Variants in EPHA2 observed in about 807,000 individuals in gnomAD.
The protein encoded by EPHA2 is EPH receptor A2, also known as ephrin type-A receptor 2.
A neutral mutation model predicts 104.9 loss-of-function variants in EPHA2; 54 were observed. That is an observed-to-expected ratio of 0.51 (90% confidence interval 0.41 to 0.65). EPHA2 has a LOEUF of 0.65. EPHA2 is among the 30% of genes least tolerant of loss of function. EPHA2 has a pLI of 0.00. For missense variants in EPHA2, 1,117 were observed against 1,369.5 expected (o/e 0.82, Z 2.91); for synonymous variants, 560 against 559.1 (o/e 1.00, Z -0.02).
Position 16,134,717 on chromosome 1 carries a change from G to C in EPHA2, c.1583-150C>G, listed in dbSNP as rs184009125. 3 of 918,850 alleles carry C rather than the reference G, an allele frequency of 3.3e-6. No individual in the cohort carries two copies. The highest frequency in any genetic ancestry group is 5.2e-6 in the Non-Finnish European group (3 of 576,256). The allele number at this position is 918,850 out of a possible 1,614,324, so 56.9% of individuals were successfully genotyped here. A position where few individuals can be genotyped will look rare whatever the true frequency, so the allele number is the denominator to read the frequency against. On this transcript the variant is annotated intron_variant, in intron 7 of 16. Transcript: ENST00000358432. This position sits in a 1 kb window ranked among gnomAD's most constrained non-coding sequence, Gnocchi z 4.5. The stretch of plus-strand genomic sequence containing the variant: ...GGGTACTTAGTCCCATTTCATAGAC[G>C]GTCAAGCGGAGGCCTTCCCGAAGGT...
At chr1:16,129,409 G>C (rs1385313335) in intron 16 of EPHA2, 25 bp downstream of exon 16, 1 of 1,609,868 alleles carries the variant, frequency 6.2e-7, no homozygotes, top group Admixed American at 1.7e-5. Context: ...GGAGGCGAGG[G>C]GGGACGGAAA....
chr1:16,152,733 G>A (rs962345649), intron 1 of EPHA2, among the ~76,000 whole-genome samples: 3 of 152,186 alleles, frequency 2.0e-5, no homozygotes, highest in African/African-American at 7.2e-5. Context: ...AGGGCTCACC[G>A]CTACCAGGCT....
intron 3 of EPHA2, among the ~76,000 whole-genome samples, chr1:16,144,877 C>T (rs2024896844): frequency 6.6e-6 from 1 of 152,250 alleles, no homozygotes; most frequent in Non-Finnish European, 1.5e-5. Context: ...ATCAAGTCCT[C>T]ATCCTCTCTG....
intron 1 of EPHA2, among the ~76,000 whole-genome samples, chr1:16,152,838 C>T (rs2124273521): frequency 6.6e-6 from 1 of 152,336 alleles, no homozygotes; most frequent in Middle Eastern, 3.4e-3. Context: ...GAAAAGAAGC[C>T]CTCACACAGG....
rs545833488 is a variant in EPHA2 at position 16,144,892 on chromosome 1, G to T, written c.823+3486C>A. Among the ~76,000 whole-genome samples, 4 of 152,358 alleles carry T rather than the reference G, an allele frequency of 2.6e-5. No individual in the cohort carries two copies. In the East Asian group the frequency reaches 7.7e-4, roughly 29 times the overall value. On this transcript the variant is annotated intron_variant, in intron 3 of 16. Coordinates refer to ENST00000358432, the MANE Select transcript of EPHA2 (RefSeq NM_004431.5). ...ATCAAGTCCTCATCCTCTCTGGGTTGTGTGTGAAGATGGAAGAAAGCCCTG... is the reference window on the plus strand; with the variant it reads ...ATCAAGTCCTCATCCTCTCTGGGTTTTGTGTGAAGATGGAAGAAAGCCCTG...
At chr1:16,129,759 C>T (rs1309513984) in intron 15 of EPHA2, among the ~76,000 whole-genome samples, 170 bp from the exon 16 acceptor site, 2 of 152,144 alleles carry the variant, frequency 1.3e-5, no homozygotes, top group African/African-American at 2.4e-5. Context: ...CCTCCTGGCA[C>T]GTTGGGAGCG....
Position 16,132,072 on chromosome 1 carries a change from T to C in EPHA2, c.2317A>G (p.Thr773Ala). ...CCCCTTCCCCAACTTACACTGGTGG[T>C]GTAGGTGGCCTCGGGGTCGTCCTCC... Reference protein sequence around the residue: ...VLEDDPEATYTTSGGKIPIRW... With the variant: ...VLEDDPEATYATSGGKIPIRW... The change falls in exon 13 of 17, where the codon ACC (threonine) becomes GCC (alanine). Residue 773 changes from threonine (T) to alanine (A), a missense_variant. Around this residue, in one of 3 missense-constraint regions of EPHA2, gnomAD observed 340 missense variants for 480.5 expected, o/e 0.71. Coordinates refer to ENST00000358432, the MANE Select transcript of EPHA2 (RefSeq NM_004431.5). 2 of 1,614,096 alleles carry C rather than the reference T, an allele frequency of 1.2e-6. No homozygotes were observed. Among genetic ancestry groups the C allele is most frequent in the Non-Finnish European group, 1.7e-6 (2 of 1,180,028 alleles).
chr1:16,156,005 T>C lies in EPHA2; in HGVS notation c.-73A>G. ...ACACCCGCACGCCTGCACGCCGGCCTCGGTGTCCGCTCCCGCCCGCCGGCC... is the reference window on the plus strand; with the variant it reads ...ACACCCGCACGCCTGCACGCCGGCCCCGGTGTCCGCTCCCGCCCGCCGGCC... On this transcript the variant is annotated 5_prime_UTR_variant, in exon 1 of 17. Transcript: ENST00000358432. 1 of 1,303,020 alleles carries C rather than the reference T, an allele frequency of 7.7e-7. No homozygotes were observed. Among genetic ancestry groups the C allele is most frequent in the East Asian group, 3.1e-5 (1 of 32,060 alleles). The allele number at this position is 1,303,020 out of a possible 1,614,324, so 80.7% of individuals were successfully genotyped here.
At chr1:16,155,480 C>T (rs2025140399) in intron 1 of EPHA2, 1 of 203,924 alleles carries the variant, frequency 4.9e-6, no homozygotes, top group Non-Finnish European at 9.8e-6. Flanking sequence ...ATTCAGGTCA[C>T]TAAGAAGCTG....
At chr1:16,126,994 C>T (rs1403151105) in intron 16 of EPHA2, among the ~76,000 whole-genome samples, 1 of 152,102 alleles carries the variant, frequency 6.6e-6, no homozygotes. Context: ...GAGGTTGGGC[C>T]GTTGCTGGGC....
chr1:16,129,403 G>T, intron 16 of EPHA2, 31 bp downstream of exon 16: 1 of 1,607,070 alleles, frequency 6.2e-7, no homozygotes, highest in Non-Finnish European at 8.5e-7. Flanking sequence ...GAGGCGGGAG[G>T]CGAGGGGGGA....
Position 16,131,692 on chromosome 1 carries a change from A to G in EPHA2, c.2475+29T>C, listed in dbSNP as rs59377363. On this transcript the variant is annotated intron_variant, in intron 14 of 16. Coordinates refer to ENST00000358432, the MANE Select transcript of EPHA2 (RefSeq NM_004431.5). This position sits in a 1 kb window ranked among gnomAD's most constrained non-coding sequence, Gnocchi z 5.2. The stretch of plus-strand genomic sequence containing the variant: ...GTAAAGGGCTTGAGTTCAGGTCCGG[A>G]CAGGCCTGGGGAGGGCAAGGGCACC... 6.5e-3 allele frequency: 10,418 copies of G among 1,613,572 alleles called. 591 individuals carry two copies. In the African/African-American group the frequency reaches 0.12, roughly 19 times the overall value.
chr1:16,140,547 A>G (rs2024806323), intron 3 of EPHA2, among the ~76,000 whole-genome samples: 1 of 152,226 alleles, frequency 6.6e-6, no homozygotes, highest in African/African-American at 2.4e-5. Flanking sequence ...CAAGCTCCCA[A>G]GAAGGAAACC....
rs76664913 is a variant in EPHA2 at position 16,151,835 on chromosome 1, T to C, written c.86-872A>G. Reference sequence around the variant, plus strand: ...GCCCAGAGACCAGGTGTCAGGACCATCCTGTTCCCAGAGAGGCAACTGGAG... The same window carrying C: ...GCCCAGAGACCAGGTGTCAGGACCACCCTGTTCCCAGAGAGGCAACTGGAG... On this transcript the variant is annotated intron_variant, in intron 1 of 16. Transcript: ENST00000358432. Among the ~76,000 whole-genome samples, 474 of 152,230 alleles carry C rather than the reference T, an allele frequency of 3.1e-3. 3 individuals are homozygous for C. The highest frequency in any genetic ancestry group is 0.011 in the African/African-American group (449 of 41,540).
rs566528356 is a variant in EPHA2, at chr1:16,125,455, C to T, written c.2826-135G>A. ...CAGAGGAGGAGGGTGGAGAGGGTGCCTTGGGGACCTGTAGGGCAAGAGAGC... is the reference window on the plus strand; with the variant it reads ...CAGAGGAGGAGGGTGGAGAGGGTGCTTTGGGGACCTGTAGGGCAAGAGAGC... On this transcript the variant is annotated intron_variant, in intron 16 of 16. Coordinates refer to ENST00000358432, the MANE Select transcript of EPHA2 (RefSeq NM_004431.5). The surrounding 1 kb of genome is among the most constrained non-coding windows in gnomAD (Gnocchi z 4.9). The T allele has an allele frequency of 4.9e-3, 3,297 of 676,326 alleles. 22 individuals are homozygous for T. Among genetic ancestry groups the T allele is most frequent in the Non-Finnish European group, 6.0e-3 (2,391 of 397,624 alleles). 41.9% of individuals were successfully genotyped at this position (676,326 alleles called of 1,614,324 possible). A position where few individuals can be genotyped will look rare whatever the true frequency, so the allele number is the denominator to read the frequency against.
Position 16,130,088 on chromosome 1 carries a change from A to C in EPHA2, c.2669+138T>G. 8.5e-7 allele frequency: 1 copy of C among 1,177,076 alleles called. No individual in the cohort carries two copies. The highest frequency in any genetic ancestry group is 1.2e-6 in the Non-Finnish European group (1 of 817,216). The allele number at this position is 1,177,076 out of a possible 1,614,324, so 72.9% of individuals were successfully genotyped here. A position where few individuals can be genotyped will look rare whatever the true frequency, so the allele number is the denominator to read the frequency against. On this transcript the variant is annotated intron_variant, in intron 15 of 16. Coordinates refer to ENST00000358432, the MANE Select transcript of EPHA2 (RefSeq NM_004431.5). This position sits in a 1 kb window ranked among gnomAD's most constrained non-coding sequence, Gnocchi z 4.5. ...TTTCCTGGGCCATCGTGTCCAGTCT[A>C]AGTCAAGTCCACACATAACCTCTTA... is the stretch of plus-strand genomic sequence containing the variant.
chr1:16,132,216 C>T lies in EPHA2; in HGVS notation c.2173G>A (p.Ala725Thr), dbSNP rs2124200974. ...QLVGMLRGIA[A>T]GMKYLANMNY... is the part of the protein sequence containing the mutation. ...ATGTTGGCCAGGTACTTCATGCCAG[C>T]TGCGATGCCCCGCAGCATGCCCACC... is the stretch of plus-strand genomic sequence containing the variant. Residue 725 changes from alanine (A) to threonine (T), a missense_variant, in exon 13 of 17, where the codon GCT (alanine) becomes ACT (threonine). Transcript: ENST00000358432. 3.1e-6 allele frequency: 5 copies of T among 1,614,206 alleles called. No individual in the cohort carries two copies. The highest frequency in any genetic ancestry group is 4.2e-6 in the Non-Finnish European group (5 of 1,180,036).
chr1:16,136,686 A>G (rs1245869330), intron 5 of EPHA2, among the ~76,000 whole-genome samples: 5 of 119,196 alleles, frequency 4.2e-5, no homozygotes, highest in Admixed American at 3.2e-4. Flanking sequence ...AGAAGAAAGA[A>G]GAAGAGGAAG....
Position 16,129,572 on chromosome 1 carries a change from GGGAGCC to G in EPHA2, c.2681_2686del (p.Arg894_Leu895del). 1 of 1,611,962 alleles carries G rather than the reference GGGAGCC, an allele frequency of 6.2e-7. No homozygotes were observed. The highest frequency in any genetic ancestry group is 8.5e-7 in the Non-Finnish European group (1 of 1,179,850). ...CACCCCCTCCGAGCCGCTCGTGCTGGGGAGCCGGATAGACACGCTGCAACAGGAAGC... is the reference window on the plus strand; with the variant it reads ...CACCCCCTCCGAGCCGCTCGTGCTGGGGATAGACACGCTGCAACAGGAAGC... On this transcript the variant is annotated inframe_deletion, in exon 16 of 17. Transcript: ENST00000358432.
Sources: allele counts gnomAD v4.1 joint callset (sites outside exome capture counted in the v4.1 genomes callset), GRCh38; gene constraint gnomAD v4.1.1; regional missense constraint gnomAD v4.1.1; non-coding constraint Gnocchi (gnomAD v3.1); transcripts MANE v1.5; gene names NCBI Gene and HGNC (gene_info 2026-07-23, HGNC 2026-07-21).